The following LARP4 variants were observed in gnomAD, a reference collection of about 807,000 sequenced individuals.
LARP4 encodes la-related protein 4.
A neutral mutation model predicts 92.9 loss-of-function variants in LARP4; 29 were observed. The ratio of observed to expected loss-of-function variants is 0.31; its 90% CI spans 0.23 to 0.43. LARP4 has a LOEUF of 0.43. Ranked by LOEUF, LARP4 falls within the 20% of genes least tolerant of loss-of-function variation. The probability of loss-of-function intolerance (pLI) is 1.00; values close to 1 mark genes in which losing one functional copy is unlikely to be tolerated. For synonymous variants in LARP4, 279 were observed against 284.1 expected (o/e 0.98, Z 0.18); for missense variants, 732 against 860.0 (o/e 0.85, Z 1.86).
chr12:50,430,574 T>C lies in LARP4; in HGVS notation c.398+4T>C. The C allele has an allele frequency of 1.3e-6, 2 of 1,569,476 alleles. No homozygotes were observed. The highest frequency in any genetic ancestry group is 1.7e-6 in the Non-Finnish European group (2 of 1,143,238). Reference sequence around the variant, plus strand: ...AATTAGAATTCTGTTTTTCACGGTATTGCTGTTTCCCCTTTATTGAATTTT... The same window carrying C: ...AATTAGAATTCTGTTTTTCACGGTACTGCTGTTTCCCCTTTATTGAATTTT... On this transcript the variant is annotated splice_donor_region_variant and intron_variant, in intron 4 of 15. Coordinates refer to ENST00000398473, the MANE Select transcript of LARP4 (RefSeq NM_052879.5).
intron 10 of LARP4, among the ~76,000 whole-genome samples, chr12:50,457,936 T>C: frequency 9.3e-6 from 1 of 107,604 alleles, no homozygotes; most frequent in Admixed American, 1.0e-4. Flanking sequence ...TCAACCCAAC[T>C]TTTTTTTTTT....
At chr12:50,447,502 G>A (rs57811009) in intron 8 of LARP4, among the ~76,000 whole-genome samples, 16,653 of 152,058 alleles carry the variant, frequency 0.11, 1,820 homozygotes, top group East Asian at 0.48. Flanking sequence ...GGAATTTGAA[G>A]CATATAAATT....
At chr12:50,410,936 C>T (rs1281861891) in intron 1 of LARP4, among the ~76,000 whole-genome samples, 1 of 152,008 alleles carries the variant, frequency 6.6e-6, no homozygotes, top group Non-Finnish European at 1.5e-5. Context: ...AGAGTACCAG[C>T]AATAATACTG....
intron 15 of LARP4, among the ~76,000 whole-genome samples, chr12:50,474,551 GTTAGCCAGGA>G (rs1957339246): frequency 6.6e-6 from 1 of 152,116 alleles, no homozygotes; most frequent in Non-Finnish European, 1.5e-5. Context: ...GTTTCACTGT[GTTAGCCAGGA>G]TGGTCTCAAT....
chr12:50,413,137 C>T (rs949171533), intron 1 of LARP4, among the ~76,000 whole-genome samples: 1 of 151,840 alleles, frequency 6.6e-6, no homozygotes. Flanking sequence ...GCAGGAGACT[C>T]CCTTGACCCC....
At chr12:50,415,211 AT>A (rs1402417818) in intron 1 of LARP4, among the ~76,000 whole-genome samples, 1 of 152,168 alleles carries the variant, frequency 6.6e-6, no homozygotes, top group Non-Finnish European at 1.5e-5. Flanking sequence ...TCTCAAAAAA[AT>A]AAATGAATGA....
At chr12:50,445,968 AT>A (rs1419113552) in intron 8 of LARP4, among the ~76,000 whole-genome samples, 11 of 131,196 alleles carry the variant, frequency 8.4e-5, no homozygotes, top group African/African-American at 1.1e-4. Flanking sequence ...GCCCTGAAAT[AT>A]TTCTTTCATT....
At chr12:50,418,315 C>T (rs1254736215) in intron 1 of LARP4, among the ~76,000 whole-genome samples, 1 of 151,970 alleles carries the variant, frequency 6.6e-6, no homozygotes, top group East Asian at 1.9e-4. Context: ...GCGTTATGTT[C>T]TTAAAAATAG....
intron 1 of LARP4, 192 bp downstream of exon 1, chr12:50,401,220 A>C (rs1943757114): frequency 1.5e-6 from 1 of 677,848 alleles, no homozygotes; most frequent in South Asian, 1.6e-5. Context: ...AAGCTATGGG[A>C]GGTGAGGCCC....
intron 8 of LARP4, among the ~76,000 whole-genome samples, chr12:50,441,920 C>G (rs1951272032): frequency 6.6e-6 from 1 of 152,140 alleles, no homozygotes; most frequent in South Asian, 2.1e-4. Context: ...TGTTGTGGCA[C>G]ACGCCTGTAG....
rs756730225 is a variant in LARP4 at position 50,454,359 on chromosome 12, G to A, written c.1063G>A (p.Gly355Arg). The change falls in exon 10 of 16, where the codon GGA becomes AGA. Residue 355 changes from glycine (G) to arginine (R), a missense_variant. Around this residue, in one of 7 missense-constraint regions of LARP4, gnomAD observed 264 missense variants for 269.5 expected, o/e 0.98. Transcript: ENST00000398473. ...GSFVNGFNSPGSYKTNAAAMN... is the reference protein window; with the variant it reads ...GSFVNGFNSPRSYKTNAAAMN... The stretch of plus-strand genomic sequence containing the variant: ...TTTTGTGAATGGCTTTAATTCGCCA[G>A]GATCTTATAAAACAAATGCTGCTGC... The A allele has an allele frequency of 3.1e-6, 5 of 1,613,562 alleles. No homozygotes were observed. The highest frequency in any genetic ancestry group is 1.7e-6 in the Non-Finnish European group (2 of 1,179,888).
chr12:50,473,363 C>G, intron 13 of LARP4, 52 bp from the exon 14 acceptor site: 1 of 1,410,586 alleles, frequency 7.1e-7, no homozygotes, highest in Non-Finnish European at 1.0e-6. Context: ...ACGTGTATAT[C>G]TTCTTTGGAA....
At chr12:50,432,568 G>T (rs1244419770) in intron 4 of LARP4, among the ~76,000 whole-genome samples, 2 of 151,904 alleles carry the variant, frequency 1.3e-5, no homozygotes, top group African/African-American at 4.8e-5. Context: ...TGAAAATCTG[G>T]CAGTGTCTTG....
At position 50,400,899 on chromosome 12, in the gene LARP4, C is replaced by A. The variant is rs1179679176; in HGVS notation, c.-112C>A. 1.4e-6 allele frequency: 2 copies of A among 1,471,226 alleles called. No homozygotes were observed. Among genetic ancestry groups the A allele is most frequent in the Non-Finnish European group, 1.9e-6 (2 of 1,050,278 alleles). The allele number at this position is 1,471,226 out of a possible 1,614,324, so 91.1% of individuals were successfully genotyped here. A position where few individuals can be genotyped will look rare whatever the true frequency, so the allele number is the denominator to read the frequency against. ...GGCAGGGGAGGAGCCGGGTCCACTG[C>A]CGGGTGGAGGGGCAAGGCGAGTGTG... is the stretch of plus-strand genomic sequence containing the variant. On this transcript the variant is annotated 5_prime_UTR_variant, in exon 1 of 16. Coordinates refer to ENST00000398473, the MANE Select transcript of LARP4 (RefSeq NM_052879.5).
intron 1 of LARP4, among the ~76,000 whole-genome samples, chr12:50,423,734 A>G (rs991355118): frequency 1.1e-4 from 16 of 149,162 alleles, no homozygotes; most frequent in African/African-American, 4.0e-4. Flanking sequence ...GGCGTGAGCC[A>G]TCGTCCCCGG....
chr12:50,417,763 TG>T (rs1271433228), intron 1 of LARP4, among the ~76,000 whole-genome samples: 17 of 152,298 alleles, frequency 1.1e-4, no homozygotes, highest in Non-Finnish European at 2.4e-4. Context: ...GGCACAGTCT[TG>T]GGTCACTGTA....
In LARP4 at chr12:50,400,888, C is replaced by T. The variant is rs1446111652; in HGVS notation, c.-123C>T. The T allele has an allele frequency of 1.3e-5, 17 of 1,343,378 alleles. No homozygotes were observed. The highest frequency in any genetic ancestry group is 1.8e-4 in the Middle Eastern group (1 of 5,568). The allele number at this position is 1,343,378 out of a possible 1,614,324, so 83.2% of individuals were successfully genotyped here. A position where few individuals can be genotyped will look rare whatever the true frequency, so the allele number is the denominator to read the frequency against. On this transcript the variant is annotated 5_prime_UTR_variant, in exon 1 of 16. Coordinates refer to ENST00000398473, the MANE Select transcript of LARP4 (RefSeq NM_052879.5). ...CAGCGGCTGACGGCAGGGGAGGAGC[C>T]GGGTCCACTGCCGGGTGGAGGGGCA...
At chr12:50,465,830 C>T (rs1264719057) in intron 12 of LARP4, among the ~76,000 whole-genome samples, 4 of 152,044 alleles carry the variant, frequency 2.6e-5, no homozygotes, top group Non-Finnish European at 4.4e-5. Flanking sequence ...ACCGCCATCA[C>T]CACCAAAAAG....
chr12:50,478,734 C>G lies in LARP4; in HGVS notation c.*2870C>G, dbSNP rs1957701308. On this transcript the variant is annotated 3_prime_UTR_variant, in exon 16 of 16. Transcript: ENST00000398473. Reference sequence around the variant, plus strand: ...CATAGAGACATTGCAAAACCTGTCTCCATTTGCTATCCTGATAATTAAGGT... The same window carrying G: ...CATAGAGACATTGCAAAACCTGTCTGCATTTGCTATCCTGATAATTAAGGT... 2 of 152,086 alleles carry G rather than the reference C, an allele frequency of 1.3e-5. No homozygotes were observed. The highest frequency in any genetic ancestry group is 4.1e-4 in the South Asian group (2 of 4,828). 9.4% of individuals were successfully genotyped at this position (152,086 alleles called of 1,614,324 possible). A position where few individuals can be genotyped will look rare whatever the true frequency, so the allele number is the denominator to read the frequency against.
Sources: allele counts gnomAD v4.1 joint callset (sites outside exome capture counted in the v4.1 genomes callset), GRCh38; gene constraint gnomAD v4.1.1; regional missense constraint gnomAD v4.1.1; transcripts MANE v1.5; gene names NCBI Gene and HGNC (gene_info 2026-07-23, HGNC 2026-07-21).